Variants in TMPRSS4 observed in about 807,000 individuals in gnomAD.
TMPRSS4 encodes the protein transmembrane protease serine 4.
TMPRSS4 carries 45 observed loss-of-function variants against 56.4 expected under a neutral mutation model. The observed-to-expected ratio is 0.80, with a 90% CI of 0.63 to 1.02. The LOEUF (loss-of-function observed/expected upper bound fraction) is 1.02. TMPRSS4 is among the 50% of genes least tolerant of loss of function. The probability of loss-of-function intolerance (pLI) is 0.00; values close to 1 mark genes in which losing one functional copy is unlikely to be tolerated. For missense variants in TMPRSS4, 546 were observed against 556.7 expected (o/e 0.98, Z 0.19); for synonymous variants, 205 against 211.0 (o/e 0.97, Z 0.25).
chr11:118,105,209 C>CTAATAAGTTAG (rs1382608244), intron 5 of TMPRSS4, among the ~76,000 whole-genome samples: 1 of 152,136 alleles, frequency 6.6e-6, no homozygotes, highest in Admixed American at 6.5e-5. Context: ...GCTAAGTTAA[C>CTAATAAGTTAG]TTATTCAAAG....
chr11:118,094,981 T>C, intron 2 of TMPRSS4, 126 bp downstream of exon 2: 1 of 954,464 alleles, frequency 1.0e-6, no homozygotes, highest in Non-Finnish European at 1.7e-6. Flanking sequence ...ATGAGTGACA[T>C]CCAGTCACCC....
At chr11:118,099,466 A>AGAAG (rs1946614438) in intron 3 of TMPRSS4, among the ~76,000 whole-genome samples, 1 of 22,334 alleles carries the variant, frequency 4.5e-5, no homozygotes, top group Non-Finnish European at 1.1e-4. Flanking sequence ...AGAGAAAGAA[A>AGAAG]GAAAGAAAGA....
intron 7 of TMPRSS4, among the ~76,000 whole-genome samples, chr11:118,110,694 C>G (rs914588442): frequency 6.6e-6 from 1 of 152,168 alleles, no homozygotes; most frequent in Non-Finnish European, 1.5e-5. Flanking sequence ...AAGGAACGTA[C>G]AGCATAGATC....
intron 1 of TMPRSS4, among the ~76,000 whole-genome samples, chr11:118,078,845 G>C (rs1224758601): frequency 6.6e-6 from 1 of 152,090 alleles, no homozygotes; most frequent in East Asian, 1.9e-4. Context: ...CCACGGAAAC[G>C]ATATGACCCA....
intron 3 of TMPRSS4, among the ~76,000 whole-genome samples, chr11:118,102,034 G>A (rs1946745157): frequency 6.6e-6 from 1 of 151,842 alleles, no homozygotes; most frequent in African/African-American, 2.4e-5. Context: ...GGGTACACGT[G>A]CAGGATGTGC....
chr11:118,099,463 GAAAGAAAGAAAGAAAGAA>G (rs1256426874), intron 3 of TMPRSS4, among the ~76,000 whole-genome samples: 1 of 22,274 alleles, frequency 4.5e-5, no homozygotes, highest in Non-Finnish European at 1.1e-4. Flanking sequence ...AAGAGAGAAA[GAAAGAAAGAAAGAAAGAA>G]AAAGAAAGAA....
chr11:118,094,725 G>C (rs946704593), intron 1 of TMPRSS4, 91 bp from the exon 2 acceptor site: 1 of 1,148,556 alleles, frequency 8.7e-7, no homozygotes, highest in African/African-American at 1.5e-5. Flanking sequence ...AGGGAGAAGG[G>C]AATGTAGACA....
chr11:118,093,818 G>GC (rs56222160), intron 1 of TMPRSS4, among the ~76,000 whole-genome samples: 83,240 of 149,822 alleles, frequency 0.56, 23,149 homozygotes, highest in Middle Eastern at 0.61. Flanking sequence ...ATAACTAACT[G>GC]CCCCCCCCAA....
At chr11:118,088,208 G>C (rs1383877064) in intron 1 of TMPRSS4, 1 of 152,272 alleles carries the variant, frequency 6.6e-6, no homozygotes, top group Non-Finnish European at 1.5e-5. Context: ...GGCTAGATCT[G>C]TTCCTTACTT....
At chr11:118,098,905 C>T (rs1591379508) in intron 2 of TMPRSS4, 80 bp from the exon 3 acceptor site, 1 of 1,122,890 alleles carries the variant, frequency 8.9e-7, no homozygotes, top group East Asian at 2.4e-5. Flanking sequence ...GGCCAGAAGG[C>T]AGGAGGCTGT....
In TMPRSS4 at chr11:118,121,731, G is replaced by A. The variant is rs1317073549; in HGVS notation, c.*3818G>A. On this transcript the variant is annotated 3_prime_UTR_variant, in exon 13 of 13. Transcript: ENST00000437212. ...TGAATTTATTGGTTGGCTATGAGTA[G>A]AAAAATACATCAGTAAAGAAAAAAG... The A allele has an allele frequency of 6.6e-6, 1 of 151,918 alleles. No individual in the cohort carries two copies. The highest frequency in any genetic ancestry group is 1.5e-5 in the Non-Finnish European group (1 of 67,984). The allele number at this position is 151,918 out of a possible 1,614,324, so 9.4% of individuals were successfully genotyped here.
intron 1 of TMPRSS4, among the ~76,000 whole-genome samples, chr11:118,083,871 G>A (rs1591340572): frequency 6.6e-6 from 1 of 151,956 alleles, no homozygotes; most frequent in Non-Finnish European, 1.5e-5. Flanking sequence ...TGGCCAACAT[G>A]GTGAAAGTAC....
chr11:118,095,736 T>C (rs1422464795), intron 2 of TMPRSS4, among the ~76,000 whole-genome samples: 1 of 152,186 alleles, frequency 6.6e-6, no homozygotes, highest in East Asian at 1.9e-4. Flanking sequence ...TGGAAGTCCA[T>C]TTGGCTCAGA....
chr11:118,108,737 G>A, intron 6 of TMPRSS4, 119 bp from the exon 7 acceptor site: 1 of 927,046 alleles, frequency 1.1e-6, no homozygotes, highest in Non-Finnish European at 1.7e-6. Flanking sequence ...CCACTGTGCA[G>A]CTTCCACATT....
intron 2 of TMPRSS4, among the ~76,000 whole-genome samples, chr11:118,096,613 C>T (rs551055168): frequency 2.8e-4 from 43 of 151,858 alleles, no homozygotes; most frequent in Admixed American, 7.9e-4. Flanking sequence ...TGGCAAAACC[C>T]CATCTCTACA....
rs1253587498 is a variant in TMPRSS4 at position 118,114,868 on chromosome 11, A to C, written c.950A>C (p.Glu317Ala). Reference sequence around the variant, plus strand: ...ATCTGTCTGCCCTTCTTTGATGAGGAGCTCACTCCAGCCACCCCACTCTGG... The same window carrying C: ...ATCTGTCTGCCCTTCTTTGATGAGGCGCTCACTCCAGCCACCCCACTCTGG... The part of the protein sequence containing the change: ...RPICLPFFDE[E>A]LTPATPLWII... Residue 317 changes from glutamate to alanine, a missense_variant, in exon 10 of 13, where the codon GAG becomes GCG. Transcript: ENST00000437212. 6.2e-7 allele frequency: 1 copy of C among 1,609,266 alleles called. No homozygotes were observed. Among genetic ancestry groups the C allele is most frequent in the Admixed American group, 1.7e-5 (1 of 59,458 alleles).
chr11:118,097,009 AAAG>A lies in TMPRSS4; in HGVS notation c.44-1973_44-1971del, dbSNP rs1239786008. Among the ~76,000 whole-genome samples, 104 of 119,126 alleles carry A rather than the reference AAAG, an allele frequency of 8.7e-4. 2 individuals are homozygous for A. Among genetic ancestry groups the A allele is most frequent in the African/African-American group, 3.3e-3 (97 of 28,992 alleles). 78.2% of individuals were successfully genotyped at this position (119,126 alleles called of 152,430 possible). A position where few individuals can be genotyped will look rare whatever the true frequency, so the allele number is the denominator to read the frequency against. ...GAAAGAAAGAAAGAAAGAAAGAAAG[AAAG>A]AAAGAAAGAAAGAAAGAAAGAAAAG... On this transcript the variant is annotated intron_variant, in intron 2 of 12. Coordinates refer to ENST00000437212, the MANE Select transcript of TMPRSS4 (RefSeq NM_019894.4).
At chr11:118,084,406 G>A (rs1341800803) in intron 1 of TMPRSS4, among the ~76,000 whole-genome samples, 1 of 152,244 alleles carries the variant, frequency 6.6e-6, no homozygotes, top group Non-Finnish European at 1.5e-5. Context: ...CAACTGCAAA[G>A]TCAGAGAGGC....
At position 118,077,519 on chromosome 11, in the gene TMPRSS4, C is replaced by T. The variant is rs191792079; in HGVS notation, c.3+214C>T. Reference sequence around the variant, plus strand: ...TTCCTCCATTGCCATGGTCCTTGGACCAGCTCACCTAAGAAGCTGAGCACA... The same window carrying T: ...TTCCTCCATTGCCATGGTCCTTGGATCAGCTCACCTAAGAAGCTGAGCACA... On this transcript the variant is annotated intron_variant, in intron 1 of 12. Coordinates refer to ENST00000437212, the MANE Select transcript of TMPRSS4 (RefSeq NM_019894.4). Among the ~76,000 whole-genome samples, 5 of 152,322 alleles carry T rather than the reference C, an allele frequency of 3.3e-5. No individual in the cohort carries two copies. The East Asian group carries it at 9.6e-4, about 29-fold the overall frequency.
Sources: allele counts gnomAD v4.1 joint callset (sites outside exome capture counted in the v4.1 genomes callset), GRCh38; gene constraint gnomAD v4.1.1; transcripts MANE v1.5; gene names NCBI Gene and HGNC (gene_info 2026-07-23, HGNC 2026-07-21).